MAML1: variants seen among roughly 807,000 people sequenced by gnomAD.
MAML1 encodes mastermind like transcriptional coactivator 1.
Under a neutral mutation model 77.1 loss-of-function variants are expected in MAML1, and 14 were observed. The observed-to-expected ratio is 0.18, with a 90% CI of 0.12 to 0.28. The LOEUF is 0.28. MAML1 is among the 10% of genes least tolerant of loss of function. The pLI is 1.00. For missense variants in MAML1, 1,217 were observed against 1,327.8 expected (o/e 0.92, Z 1.30); for synonymous variants, 516 against 551.9 (o/e 0.93, Z 0.91).
rs1409913925 is a variant in MAML1, at chr5:179,774,177, A to G, written c.2351A>G (p.Gln784Arg). 1 of 1,613,586 alleles carries G rather than the reference A, an allele frequency of 6.2e-7. No homozygotes were observed. The highest frequency in any genetic ancestry group is 1.1e-5 in the South Asian group (1 of 91,080). ...AATGGACATGCCCACATTCCACGGC[A>G]GACCAACGTGGGCCAGAACACCTCC... is the stretch of plus-strand genomic sequence containing the variant. ...ATNGHAHIPR[Q>R]TNVGQNTSVS... The change falls in exon 5 of 5, where the codon CAG (glutamine) becomes CGG (arginine). Residue 784 changes from glutamine (Q) to arginine (R), a missense_variant. Transcript: ENST00000292599.
chr5:179,735,725 T>G (rs958273261), intron 1 of MAML1, among the ~76,000 whole-genome samples: 1 of 150,770 alleles, frequency 6.6e-6, no homozygotes, highest in African/African-American at 2.5e-5. Context: ...TCTCGCCCTG[T>G]CACCCAGGCT....
At chr5:179,773,420 C>A (rs981890824) in intron 4 of MAML1, among the ~76,000 whole-genome samples, 3 of 152,258 alleles carry the variant, frequency 2.0e-5, no homozygotes, top group Non-Finnish European at 4.4e-5. Context: ...CTAGTGGATT[C>A]ATCACTGTCT....
intron 1 of MAML1, 126 bp from the exon 2 acceptor site, chr5:179,765,200 G>A (rs532103604): frequency 1.4e-6 from 1 of 738,950 alleles, no homozygotes; most frequent in South Asian, 1.9e-5. Context: ...CCCCAGAAAT[G>A]GGAGTGTACA....
At chr5:179,743,359 C>T (rs1279888942) in intron 1 of MAML1, among the ~76,000 whole-genome samples, 1 of 146,484 alleles carries the variant, frequency 6.8e-6, no homozygotes, top group African/African-American at 2.5e-5. Flanking sequence ...ACCCCCTGCC[C>T]CACGCTTTTT....
At chr5:179,748,968 T>G (rs1327715032) in intron 1 of MAML1, among the ~76,000 whole-genome samples, 2 of 152,026 alleles carry the variant, frequency 1.3e-5, no homozygotes, top group Non-Finnish European at 2.9e-5. Flanking sequence ...TTTTTTTGTT[T>G]TTTGTTTGTT....
At chr5:179,747,735 C>T (rs1331494239) in intron 1 of MAML1, among the ~76,000 whole-genome samples, 20 of 131,228 alleles carry the variant, frequency 1.5e-4, no homozygotes, top group Admixed American at 5.7e-4. Context: ...GCGTGAACCC[C>T]GGGAGGCGGA....
Position 179,774,906 on chromosome 5 carries a change from C to T in MAML1, c.*29C>T. The T allele has an allele frequency of 1.3e-6, 2 of 1,549,434 alleles. No individual in the cohort carries two copies. Among genetic ancestry groups the T allele is most frequent in the South Asian group, 1.2e-5 (1 of 82,116 alleles). ...AAGGATTTGTAGTGTTTTTAGTGTT[C>T]ATTCATCCTATATTTTTATTCTCAG... On this transcript the variant is annotated 3_prime_UTR_variant, in exon 5 of 5. Transcript: ENST00000292599.
chr5:179,760,012 G>A (rs1300268007), intron 1 of MAML1, among the ~76,000 whole-genome samples: 1 of 152,188 alleles, frequency 6.6e-6, no homozygotes, highest in African/African-American at 2.4e-5. Flanking sequence ...GCGGCTGGTA[G>A]TGACAGTCTT....
At position 179,775,470 on chromosome 5, in the gene MAML1, A is replaced by G. The variant is rs973728016; in HGVS notation, c.*593A>G. On this transcript the variant is annotated 3_prime_UTR_variant, in exon 5 of 5. Coordinates refer to ENST00000292599, the MANE Select transcript of MAML1 (RefSeq NM_014757.5). ...GCTCTTTGTCAGCTTTCAGGGGAGAAGGAGGCCACTGGAAAATTATTTCCC... is the reference window on the plus strand; with the variant it reads ...GCTCTTTGTCAGCTTTCAGGGGAGAGGGAGGCCACTGGAAAATTATTTCCC... 14 of 985,372 alleles carry G rather than the reference A, an allele frequency of 1.4e-5. No individual in the cohort carries two copies. Among genetic ancestry groups the G allele is most frequent in the East Asian group, 1.1e-4 (1 of 8,800 alleles). 61.0% of individuals were successfully genotyped at this position (985,372 alleles called of 1,614,324 possible).
intron 1 of MAML1, among the ~76,000 whole-genome samples, chr5:179,741,400 C>G (rs958011544): frequency 1.3e-5 from 2 of 152,052 alleles, no homozygotes; most frequent in Non-Finnish European, 2.9e-5. Context: ...AGAATTGACT[C>G]TTGGCCAGGC....
At chr5:179,733,885 GCCTTTGGTTGA>G (rs1475150886) in intron 1 of MAML1, among the ~76,000 whole-genome samples, 1 of 152,204 alleles carries the variant, frequency 6.6e-6, no homozygotes, top group Non-Finnish European at 1.5e-5. Flanking sequence ...AAATAAGTCG[GCCTTTGGTTGA>G]CCAACTGAAA....
intron 1 of MAML1, among the ~76,000 whole-genome samples, chr5:179,759,248 G>C (rs1281521383): frequency 6.6e-6 from 1 of 152,192 alleles, no homozygotes; most frequent in Non-Finnish European, 1.5e-5. Flanking sequence ...TCTGTCGGCA[G>C]CAGACCCCAG....
At chr5:179,742,673 G>A (rs1288757302) in intron 1 of MAML1, among the ~76,000 whole-genome samples, 1 of 151,808 alleles carries the variant, frequency 6.6e-6, no homozygotes, top group Non-Finnish European at 1.5e-5. Context: ...TGGGCGTGAC[G>A]GCACACACCT....
chr5:179,753,240 T>TGC (rs1779539958), intron 1 of MAML1, among the ~76,000 whole-genome samples: 5 of 149,764 alleles, frequency 3.3e-5, no homozygotes, highest in South Asian at 2.1e-4. Context: ...CGCGCGCGCG[T>TGC]GCTGGGGTGA....
At position 179,776,773 on chromosome 5, in the gene MAML1, G is replaced by GT; in HGVS notation, c.*1897dup. 2 of 985,966 alleles carry GT rather than the reference G, an allele frequency of 2.0e-6. No individual in the cohort carries two copies. The highest frequency in any genetic ancestry group is 2.4e-6 in the Non-Finnish European group (2 of 830,016). 61.1% of individuals were successfully genotyped at this position (985,966 alleles called of 1,614,324 possible). On this transcript the variant is annotated 3_prime_UTR_variant, in exon 5 of 5. Transcript: ENST00000292599. ...CCTTAGTCCTGGGGCCGGCGACACA[G>GT]TGGGGGCTCCTCACTTGCTGCAGTG...
At position 179,769,915 on chromosome 5, in the gene MAML1, C is replaced by T. The variant is rs765595023; in HGVS notation, c.1971+826C>T. On this transcript the variant is annotated intron_variant, in intron 3 of 4. Coordinates refer to ENST00000292599, the MANE Select transcript of MAML1 (RefSeq NM_014757.5). The surrounding 1 kb of genome is among the most constrained non-coding windows in gnomAD (Gnocchi z 4.2). ...ACAGTGAGGTTCATTGAGGACAATC[C>T]CTGCCTCAGTTCTGCCTTTAAGAAA... 6.6e-6 allele frequency among the ~76,000 whole-genome samples: 1 copy of T among 152,152 alleles called. No individual in the cohort carries two copies. The highest frequency in any genetic ancestry group is 1.5e-5 in the Non-Finnish European group (1 of 68,038).
In MAML1 at chr5:179,770,763, G is replaced by A. The variant is rs147588794; in HGVS notation, c.1972-384G>A. Among the ~76,000 whole-genome samples, 166 of 152,292 alleles carry A rather than the reference G, an allele frequency of 1.1e-3. No homozygotes were observed. In the Middle Eastern group the frequency reaches 0.024, roughly 22 times the overall value. On this transcript the variant is annotated intron_variant, in intron 3 of 4. Transcript: ENST00000292599. Reference sequence around the variant, plus strand: ...TAACCTTTGGAGGAACTGTCAGACTGTTTCCCACAGGCTGTCTCATTTTAC... The same window carrying A: ...TAACCTTTGGAGGAACTGTCAGACTATTTCCCACAGGCTGTCTCATTTTAC...
intron 1 of MAML1, among the ~76,000 whole-genome samples, chr5:179,750,452 G>A (rs887279744): frequency 1.1e-5 from 1 of 94,806 alleles, no homozygotes; most frequent in African/African-American, 3.8e-5. Context: ...GGCTCAGTCA[G>A]CTCTCAATAG....
At chr5:179,742,692 A>G (rs1358213636) in intron 1 of MAML1, among the ~76,000 whole-genome samples, 1 of 151,854 alleles carries the variant, frequency 6.6e-6, no homozygotes, top group Admixed American at 6.6e-5. Context: ...CTCTAATCCC[A>G]GGTACTTGGG....
Sources: allele counts gnomAD v4.1 joint callset (sites outside exome capture counted in the v4.1 genomes callset), GRCh38; gene constraint gnomAD v4.1.1; non-coding constraint Gnocchi (gnomAD v3.1); transcripts MANE v1.5; gene names NCBI Gene and HGNC (gene_info 2026-07-23, HGNC 2026-07-21).